KLHL1: variants seen among roughly 807,000 people sequenced by gnomAD.
KLHL1 encodes kelch-like protein 1.
In KLHL1, 47 loss-of-function variants were observed where a neutral mutation model predicts 77.7. The ratio of observed to expected loss-of-function variants is 0.60; its 90% CI spans 0.48 to 0.77. The LOEUF is 0.77. Ranked by LOEUF, KLHL1 falls within the 30% of genes least tolerant of loss-of-function variation. The pLI, the probability that KLHL1 is intolerant of heterozygous loss-of-function variation, is 0.00. For missense variants in KLHL1, 925 were observed against 910.8 expected, an observed-to-expected ratio of 1.02 and a Z score of -0.20; for synonymous variants, 360 against 325.2, an observed-to-expected ratio of 1.11 and a Z score of -1.15.
chr13:69,903,106 G>T (rs964686579), intron 4 of KLHL1, among the ~76,000 whole-genome samples: 1 of 152,102 alleles, frequency 6.6e-6, no homozygotes, highest in Non-Finnish European at 1.5e-5. Flanking sequence ...GCTAACTGAG[G>T]TGAGTTGAAG....
intron 1 of KLHL1, among the ~76,000 whole-genome samples, chr13:69,997,246 T>A (rs1362635669): frequency 6.6e-6 from 1 of 151,462 alleles, no homozygotes; most frequent in East Asian, 1.9e-4. Flanking sequence ...AATAATAAAA[T>A]TAATTCTTAT....
intron 1 of KLHL1, among the ~76,000 whole-genome samples, chr13:69,986,866 A>C (rs1256250226): frequency 6.6e-6 from 1 of 152,010 alleles, no homozygotes; most frequent in East Asian, 1.9e-4. Flanking sequence ...TGTAAATATT[A>C]ATATTCAAAA....
At chr13:69,827,636 A>G (rs953751718) in intron 6 of KLHL1, among the ~76,000 whole-genome samples, 1 of 147,742 alleles carries the variant, frequency 6.8e-6, no homozygotes, top group Non-Finnish European at 1.5e-5. Context: ...AGGCTGAGGT[A>G]GGGGAATCTC....
At chr13:70,038,014 A>T (rs1886281302) in intron 1 of KLHL1, among the ~76,000 whole-genome samples, 1 of 152,026 alleles carries the variant, frequency 6.6e-6, no homozygotes, top group Non-Finnish European at 1.5e-5. Flanking sequence ...CAAAGCTCTC[A>T]TTTTCTACTG....
intron 2 of KLHL1, among the ~76,000 whole-genome samples, chr13:69,961,919 T>C (rs1475521489): frequency 6.6e-6 from 1 of 152,040 alleles, no homozygotes; most frequent in Non-Finnish European, 1.5e-5. Flanking sequence ...TTCTTTAATA[T>C]TTTAAATTTA....
chr13:69,933,559 A>C (rs1883074657), intron 4 of KLHL1, among the ~76,000 whole-genome samples: 1 of 152,122 alleles, frequency 6.6e-6, no homozygotes, highest in Admixed American at 6.6e-5. Context: ...AGTGGCTCTA[A>C]AGGACAAGTG....
rs1873002940 is a variant in KLHL1, at chr13:69,720,639, A to G, written c.1803-1058T>C. Reference sequence around the variant, plus strand: ...ATTGTGGATACAATTTAAATAAGTAACCAGAAAAGGTCTCACTGAAACCTT... The same window carrying G: ...ATTGTGGATACAATTTAAATAAGTAGCCAGAAAAGGTCTCACTGAAACCTT... On this transcript the variant is annotated intron_variant, in intron 8 of 10. Coordinates refer to ENST00000377844, the MANE Select transcript of KLHL1 (RefSeq NM_020866.3). 2.0e-5 allele frequency among the ~76,000 whole-genome samples: 3 copies of G among 151,990 alleles called. No individual in the cohort carries two copies. In the South Asian group the frequency reaches 6.2e-4, roughly 31 times the overall value.
chr13:70,076,563 A>T (rs1887271890), intron 1 of KLHL1, among the ~76,000 whole-genome samples: 1 of 151,866 alleles, frequency 6.6e-6, no homozygotes, highest in African/African-American at 2.4e-5. Context: ...GGGTTTGACA[A>T]TGTGACAATG....
At chr13:69,813,751 C>A (rs1406463304) in intron 6 of KLHL1, among the ~76,000 whole-genome samples, 1 of 152,080 alleles carries the variant, frequency 6.6e-6, no homozygotes, top group Admixed American at 6.5e-5. Context: ...TCATGGATGA[C>A]ACAAACAAAT....
intron 1 of KLHL1, among the ~76,000 whole-genome samples, chr13:70,054,726 A>T (rs1224560974): frequency 7.4e-6 from 1 of 134,552 alleles, no homozygotes; most frequent in Admixed American, 7.4e-5. Flanking sequence ...CTGCAATATT[A>T]AAAAAAAAAA....
chr13:69,970,503 A>G (rs551855462), intron 2 of KLHL1, among the ~76,000 whole-genome samples: 160 of 152,178 alleles, frequency 1.1e-3, no homozygotes, highest in Admixed American at 3.3e-3. Context: ...CAGTGATGTT[A>G]GTACCTAAAG....
At chr13:70,105,839 T>C (rs1180171374) in intron 1 of KLHL1, among the ~76,000 whole-genome samples, 1 of 151,080 alleles carries the variant, frequency 6.6e-6, no homozygotes, top group Non-Finnish European at 1.5e-5. Flanking sequence ...GATAAACTTA[T>C]ATTTAGGTCT....
At chr13:69,787,598 G>T (rs1244450491) in intron 7 of KLHL1, among the ~76,000 whole-genome samples, 1 of 152,154 alleles carries the variant, frequency 6.6e-6, no homozygotes, top group Non-Finnish European at 1.5e-5. Context: ...ACATAGGCAT[G>T]GGCAAGGACT....
chr13:69,784,881 C>CTTTT (rs1566250066), intron 7 of KLHL1, among the ~76,000 whole-genome samples: 45 of 110,870 alleles, frequency 4.1e-4, no homozygotes, highest in South Asian at 3.2e-4. Context: ...ACAGAATATA[C>CTTTT]ATTTTTTTTT....
chr13:69,719,662 T>C, intron 8 of KLHL1, 81 bp from the exon 9 acceptor site: 1 of 1,087,628 alleles, frequency 9.2e-7, no homozygotes, highest in Admixed American at 2.2e-5. Context: ...AAAATAAATT[T>C]TCACAGTATG....
chr13:70,054,438 A>G (rs1395825818), intron 1 of KLHL1, among the ~76,000 whole-genome samples: 2 of 152,058 alleles, frequency 1.3e-5, no homozygotes, highest in African/African-American at 4.8e-5. Flanking sequence ...TTTTTATTGC[A>G]TTATAGTAGC....
intron 1 of KLHL1, among the ~76,000 whole-genome samples, chr13:70,054,152 CTG>C (rs1398778583): frequency 6.6e-6 from 1 of 152,126 alleles, no homozygotes; most frequent in Non-Finnish European, 1.5e-5. Context: ...ACATTACACA[CTG>C]TGCTAGTCAC....
intron 3 of KLHL1, among the ~76,000 whole-genome samples, chr13:69,951,451 T>A (rs539968896): frequency 9.2e-5 from 14 of 151,682 alleles, no homozygotes; most frequent in African/African-American, 3.4e-4. Flanking sequence ...CAGGTTATAC[T>A]GAAGTTATCT....
At chr13:69,804,402 A>G (rs1877525129) in intron 6 of KLHL1, among the ~76,000 whole-genome samples, 1 of 152,142 alleles carries the variant, frequency 6.6e-6, no homozygotes, top group Non-Finnish European at 1.5e-5. Context: ...GCAAATAGCA[A>G]CCTCACTTAT....
Sources: allele counts gnomAD v4.1 joint callset (sites outside exome capture counted in the v4.1 genomes callset), GRCh38; gene constraint gnomAD v4.1.1; transcripts MANE v1.5; gene names NCBI Gene and HGNC (gene_info 2026-07-23, HGNC 2026-07-21).